The following UGGT2 variants were observed in gnomAD, a reference collection of about 807,000 sequenced individuals.
The protein encoded by UGGT2 is UDP-glucose glycoprotein glucosyltransferase 2.
UGGT2 carries 180 observed loss-of-function variants against 192.1 expected under a neutral mutation model. That is an observed-to-expected ratio of 0.94 (90% CI 0.83 to 1.06). The LOEUF (loss-of-function observed/expected upper bound fraction) is 1.06. UGGT2 is among the 50% of genes least tolerant of loss of function. The probability of loss-of-function intolerance (pLI) is 0.00; values close to 1 mark genes in which losing one functional copy is unlikely to be tolerated. For missense variants in UGGT2, 1,849 were observed against 1,795.7 expected (o/e 1.03, Z -0.54); for synonymous variants, 580 against 591.0 (o/e 0.98, Z 0.27).
chr13:95,920,096 T>C (rs1321139087), intron 20 of UGGT2, among the ~76,000 whole-genome samples: 1 of 152,146 alleles, frequency 6.6e-6, no homozygotes, highest in Non-Finnish European at 1.5e-5. Context: ...AAGCCAGCAA[T>C]GGGGAAAGGG....
chr13:96,025,092 T>C (rs1164372537), intron 2 of UGGT2, among the ~76,000 whole-genome samples: 1 of 152,196 alleles, frequency 6.6e-6, no homozygotes, highest in Non-Finnish European at 1.5e-5. Context: ...TTTTGTTATA[T>C]GTAATAAAGC....
intron 36 of UGGT2, among the ~76,000 whole-genome samples, chr13:95,852,744 T>A (rs752856916): frequency 1.3e-4 from 20 of 152,116 alleles, no homozygotes; most frequent in Non-Finnish European, 2.5e-4. Context: ...GATGCAATAA[T>A]GAGGAAATTG....
rs925860053 is a variant in UGGT2 at position 95,882,952 on chromosome 13, G to A, written c.3228+1539C>T. On this transcript the variant is annotated intron_variant, in intron 27 of 38. Transcript: ENST00000376747. ...TCTATTAAGAGATCTGACTGATCAT[G>A]GAAAAAACAGCGATTTTTTTTTTCA... Among the ~76,000 whole-genome samples, 9 of 152,084 alleles carry A rather than the reference G, an allele frequency of 5.9e-5. No individual in the cohort carries two copies. In the South Asian group the frequency reaches 1.0e-3, roughly 18 times the overall value.
chr13:95,883,177 G>A (rs887212193), intron 27 of UGGT2, among the ~76,000 whole-genome samples: 1 of 152,098 alleles, frequency 6.6e-6, no homozygotes, highest in Non-Finnish European at 1.5e-5. Context: ...CATACGAGCC[G>A]ATCAAAATAA....
chr13:96,016,544 C>T (rs1231397173), intron 4 of UGGT2, among the ~76,000 whole-genome samples: 3 of 152,156 alleles, frequency 2.0e-5, no homozygotes, highest in African/African-American at 7.2e-5. Flanking sequence ...AGCCATAAGC[C>T]CTGGCAGTTT....
chr13:96,047,569 C>A (rs896121029), intron 1 of UGGT2, among the ~76,000 whole-genome samples: 2 of 152,164 alleles, frequency 1.3e-5, no homozygotes, highest in African/African-American at 4.8e-5. Flanking sequence ...TGCCTCTTCT[C>A]CTCCAAAGGA....
At chr13:96,046,785 C>G (rs2053324467) in intron 1 of UGGT2, among the ~76,000 whole-genome samples, 2 of 152,188 alleles carry the variant, frequency 1.3e-5, no homozygotes, top group African/African-American at 4.8e-5. Context: ...CTGCGCTTTT[C>G]CAACGGTCTT....
intron 10 of UGGT2, among the ~76,000 whole-genome samples, chr13:95,975,876 A>AT (rs1291228830): frequency 6.6e-6 from 1 of 152,178 alleles, no homozygotes; most frequent in Admixed American, 6.5e-5. Context: ...ATCTTGTGAT[A>AT]TTTTGATAGA....
chr13:95,834,151 A>C (rs931046656), intron 37 of UGGT2, among the ~76,000 whole-genome samples: 7 of 151,996 alleles, frequency 4.6e-5, no homozygotes, highest in Middle Eastern at 3.4e-3. Context: ...TCTTTTTTTA[A>C]TTCTGTCATA....
intron 2 of UGGT2, among the ~76,000 whole-genome samples, chr13:96,030,323 C>T (rs2052796286): frequency 6.6e-6 from 1 of 152,134 alleles, no homozygotes; most frequent in Non-Finnish European, 1.5e-5. Flanking sequence ...TTTGCTGTCT[C>T]CTTCATTGTT....
At chr13:95,919,217 C>G (rs61972924) in intron 20 of UGGT2, among the ~76,000 whole-genome samples, 4 of 152,094 alleles carry the variant, frequency 2.6e-5, no homozygotes, top group South Asian at 4.1e-4. Flanking sequence ...GAACATACCT[C>G]AAAATAATAA....
intron 7 of UGGT2, chr13:95,995,358 CT>C (rs2051585225): frequency 6.6e-6 from 1 of 151,826 alleles, no homozygotes; most frequent in African/African-American, 2.4e-5. Flanking sequence ...ATTAAATACA[CT>C]TTTTTAAAAA....
intron 17 of UGGT2, among the ~76,000 whole-genome samples, chr13:95,929,840 A>G (rs1380281324): frequency 1.3e-5 from 2 of 152,126 alleles, no homozygotes; most frequent in African/African-American, 2.4e-5. Flanking sequence ...TTCTGTTTTA[A>G]GTTCTTTGAA....
intron 27 of UGGT2, among the ~76,000 whole-genome samples, chr13:95,883,745 TCAGA>T (rs2047560281): frequency 6.6e-6 from 1 of 152,164 alleles, no homozygotes; most frequent in African/African-American, 2.4e-5. Flanking sequence ...TTAGCCAGTC[TCAGA>T]CAGTTCTTTA....
At chr13:95,835,858 A>C (rs1224709712) in intron 37 of UGGT2, among the ~76,000 whole-genome samples, 7 of 152,204 alleles carry the variant, frequency 4.6e-5, no homozygotes, top group Non-Finnish European at 1.0e-4. Flanking sequence ...AACTGCTTTA[A>C]ATGAAAATCT....
At chr13:96,050,259 G>C (rs1594648070) in intron 1 of UGGT2, among the ~76,000 whole-genome samples, 1 of 152,134 alleles carries the variant, frequency 6.6e-6, no homozygotes, top group Non-Finnish European at 1.5e-5. Flanking sequence ...AATGGTGCTG[G>C]AAAAACTGGC....
intron 5 of UGGT2, among the ~76,000 whole-genome samples, chr13:96,002,757 C>T (rs1045465148): frequency 2.0e-5 from 3 of 152,184 alleles, no homozygotes; most frequent in African/African-American, 7.2e-5. Flanking sequence ...GGAAAAAACA[C>T]ATTTTATATG....
intron 20 of UGGT2, among the ~76,000 whole-genome samples, chr13:95,907,503 C>T (rs1166543539): frequency 6.6e-6 from 1 of 152,068 alleles, no homozygotes; most frequent in African/African-American, 2.4e-5. Flanking sequence ...CCAACAGGGG[C>T]CGACAGACAC....
At chr13:95,816,584 A>G (rs1566538333) in intron 38 of UGGT2, among the ~76,000 whole-genome samples, 1 of 152,248 alleles carries the variant, frequency 6.6e-6, no homozygotes, top group Admixed American at 6.5e-5. Flanking sequence ...CTACTGATAT[A>G]TTCAACAACA....
Sources: gnomAD v4.1 joint callset for allele counts (sites outside exome capture counted in the v4.1 genomes callset) on GRCh38, gnomAD v4.1.1 for gene constraint, MANE v1.5 for transcripts, NCBI Gene and HGNC (gene_info 2026-07-23, HGNC 2026-07-21) for gene names.